The following ITPRID1 variants were observed in gnomAD, a reference collection of about 807,000 sequenced individuals.
ITPRID1 encodes the protein protein ITPRID1.
ITPRID1 carries 96 observed loss-of-function variants against 95.4 expected under a neutral mutation model. That is an observed-to-expected ratio of 1.01 (90% CI 0.85 to 1.19). The LOEUF is 1.19. Ranked by LOEUF, ITPRID1 falls within the 50% of genes most tolerant of loss-of-function variation. The probability of loss-of-function intolerance (pLI) is 0.00; values close to 1 mark genes in which losing one functional copy is unlikely to be tolerated. For missense variants in ITPRID1, 1,339 were observed against 1,252.9 expected (o/e 1.07, Z -1.04); for synonymous variants, 510 against 453.6 (o/e 1.12, Z -1.58).
chr7:31,519,610 C>A (rs1472363207), intron 1 of ITPRID1, among the ~76,000 whole-genome samples: 121 of 51,280 alleles, frequency 2.4e-3, no homozygotes, highest in African/African-American at 6.8e-3. Context: ...CTCTCTCTCT[C>A]TCTCTCTCTC....
chr7:31,578,338 G>A lies in ITPRID1; in HGVS notation c.1074G>A (p.Lys358=). ...CCTGTGTGTCTGAGGGGTCAGTCAA[G>A]GGCAGAACTCAGAAGGAGAACTTAT... ...PPSCVSEGSV[K]GRTQKENLFQ... is the part of the protein sequence containing the mutation. The change falls in exon 9 of 15, where the codon AAG becomes AAA. Residue 358 remains lysine, a synonymous_variant. Coordinates refer to ENST00000615280, the MANE Select transcript of ITPRID1 (RefSeq NM_001257967.3). 1 of 1,613,884 alleles carries A rather than the reference G, an allele frequency of 6.2e-7. No individual in the cohort carries two copies. Among genetic ancestry groups the A allele is most frequent in the South Asian group, 1.1e-5 (1 of 91,078 alleles).
intron 5 of ITPRID1, among the ~76,000 whole-genome samples, chr7:31,566,706 C>G (rs112079304): frequency 6.6e-6 from 1 of 152,154 alleles, no homozygotes; most frequent in Non-Finnish European, 1.5e-5. Flanking sequence ...AAAAATTACA[C>G]GGTGCTTGCA....
chr7:31,641,409 C>G (rs938062748), intron 10 of ITPRID1, among the ~76,000 whole-genome samples: 10 of 152,264 alleles, frequency 6.6e-5, no homozygotes, highest in East Asian at 1.9e-4. Flanking sequence ...CAACCCCCTT[C>G]CTCCTGAGAG....
chr7:31,621,652 A>G (rs1200693689), intron 10 of ITPRID1, among the ~76,000 whole-genome samples: 10 of 148,758 alleles, frequency 6.7e-5, no homozygotes, highest in East Asian at 3.9e-4. Flanking sequence ...CTGCAAAATC[A>G]TGCCAAAATG....
intron 1 of ITPRID1, among the ~76,000 whole-genome samples, chr7:31,543,940 G>T (rs960405919): frequency 4.6e-5 from 7 of 151,974 alleles, no homozygotes; most frequent in Non-Finnish European, 1.0e-4. Flanking sequence ...GGTAGTTTTT[G>T]ATCTAGATTA....
chr7:31,602,601 G>A (rs1028578898), intron 10 of ITPRID1, among the ~76,000 whole-genome samples: 13 of 152,140 alleles, frequency 8.5e-5, no homozygotes, highest in Non-Finnish European at 1.3e-4. Context: ...GCTGTTTGTC[G>A]TTGGAAGCTT....
chr7:31,645,722 G>C (rs937610283), intron 12 of ITPRID1, among the ~76,000 whole-genome samples: 3 of 152,018 alleles, frequency 2.0e-5, no homozygotes, highest in Non-Finnish European at 2.9e-5. Flanking sequence ...ATGACATTTC[G>C]TGATGTTTGG....
intron 1 of ITPRID1, among the ~76,000 whole-genome samples, chr7:31,519,276 C>G (rs1476932821): frequency 6.6e-6 from 1 of 152,062 alleles, no homozygotes. Flanking sequence ...GAAGTTAGCA[C>G]AGGGTATTGG....
chr7:31,624,776 T>A (rs1182543285), intron 10 of ITPRID1, among the ~76,000 whole-genome samples: 1 of 151,668 alleles, frequency 6.6e-6, no homozygotes, highest in Non-Finnish European at 1.5e-5. Flanking sequence ...ACAAATGGGA[T>A]CTAATTAAAC....
intron 1 of ITPRID1, among the ~76,000 whole-genome samples, chr7:31,537,497 A>T (rs1440556065): frequency 6.6e-6 from 1 of 152,078 alleles, no homozygotes; most frequent in African/African-American, 2.4e-5. Flanking sequence ...TGATTTTTTT[A>T]AAAGTTAGCT....
intron 10 of ITPRID1, among the ~76,000 whole-genome samples, chr7:31,608,920 T>A (rs1786742322): frequency 6.6e-6 from 1 of 151,504 alleles, no homozygotes; most frequent in Non-Finnish European, 1.5e-5. Context: ...TGGGGAAAAA[T>A]TTTAGTATTT....
chr7:31,520,256 C>T (rs1456047400), intron 1 of ITPRID1, among the ~76,000 whole-genome samples: 1 of 152,050 alleles, frequency 6.6e-6, no homozygotes. Context: ...TGACTTATCT[C>T]CATTGATGTT....
intron 5 of ITPRID1, 191 bp downstream of exon 5, chr7:31,555,092 G>T (rs1784404909): frequency 3.6e-6 from 2 of 556,488 alleles, no homozygotes; most frequent in Non-Finnish European, 3.2e-6. Context: ...TTCCCCAGCA[G>T]CAGGTTAAGG....
chr7:31,552,106 A>T (rs1784301551), intron 2 of ITPRID1, among the ~76,000 whole-genome samples: 1 of 143,216 alleles, frequency 7.0e-6, no homozygotes, highest in African/African-American at 2.5e-5. Flanking sequence ...TTGCTGCGCT[A>T]AGCTGCTGTG....
chr7:31,528,740 C>G (rs1391005308), intron 1 of ITPRID1, among the ~76,000 whole-genome samples: 1 of 152,056 alleles, frequency 6.6e-6, no homozygotes. Flanking sequence ...GTTGATGAGG[C>G]CTCCTCCCCT....
intron 10 of ITPRID1, among the ~76,000 whole-genome samples, chr7:31,630,329 T>C (rs1788884197): frequency 6.6e-6 from 1 of 152,072 alleles, no homozygotes; most frequent in Non-Finnish European, 1.5e-5. Context: ...CTAAGTGTTT[T>C]ACATTATCTC....
At chr7:31,614,099 T>C (rs1787004487) in intron 10 of ITPRID1, among the ~76,000 whole-genome samples, 1 of 152,156 alleles carries the variant, frequency 6.6e-6, no homozygotes, top group Non-Finnish European at 1.5e-5. Flanking sequence ...GTTTAAGAAC[T>C]CCTTCCCTCT....
At chr7:31,515,315 C>T (rs1359813622) in intron 1 of ITPRID1, among the ~76,000 whole-genome samples, 4 of 149,486 alleles carry the variant, frequency 2.7e-5, no homozygotes, top group Non-Finnish European at 4.4e-5. Flanking sequence ...CAGAGAGAAA[C>T]AAGTTGTGGT....
At chr7:31,615,769 T>C (rs38338) in intron 10 of ITPRID1, among the ~76,000 whole-genome samples, 73,515 of 143,778 alleles carry the variant, frequency 0.51, 18,726 homozygotes, top group Non-Finnish European at 0.57. Flanking sequence ...TTTTTTTTTT[T>C]CTGAGACAGA....
Sources: allele counts gnomAD v4.1 joint callset (sites outside exome capture counted in the v4.1 genomes callset), GRCh38; gene constraint gnomAD v4.1.1; transcripts MANE v1.5; gene names NCBI Gene and HGNC (gene_info 2026-07-23, HGNC 2026-07-21).